ABCA7: variants seen among roughly 807,000 people sequenced by gnomAD.
ABCA7 encodes ATP binding cassette subfamily A member 7.
A neutral mutation model predicts 227.6 loss-of-function variants in ABCA7; 261 were observed. That is an observed-to-expected ratio of 1.15 (90% CI 1.04 to 1.27). The LOEUF (loss-of-function observed/expected upper bound fraction) is 1.27, where lower values mean the gene tolerates loss of function less well. Among genes scored for constraint, ABCA7 ranks in the 50% most tolerant of loss-of-function variants. ABCA7 has a pLI of 0.00. For synonymous variants in ABCA7, 1,488 were observed against 1,279.7 expected, an observed-to-expected ratio of 1.16 and a Z score of -3.47; for missense variants, 3,331 against 2,924.5, an observed-to-expected ratio of 1.14 and a Z score of -3.21.
intron 10 of ABCA7, 86 bp downstream of exon 10, chr19:1,043,927 C>G (rs1016412173): frequency 2.3e-4 from 243 of 1,072,042 alleles, no homozygotes; most frequent in Non-Finnish European, 3.2e-4. Flanking sequence ...GGGCTCCGTG[C>G]AGACCCCCAC....
rs747889722 is a variant in ABCA7 at position 1,045,215 on chromosome 19, A to G, written c.1429A>G (p.Asn477Asp). Reference protein sequence around the residue: ...RMDIDVVTRTNKIRDRFWDPG... With the variant: ...RMDIDVVTRTDKIRDRFWDPG... The stretch of plus-strand genomic sequence containing the variant: ...GGACATTGACGTGGTCACGAGGACC[A>G]ATAAGATCAGGGACAGGTCAGGCGA... The change falls in exon 12 of 47, where the codon AAT becomes GAT. Residue 477 changes from asparagine to aspartate, a missense_variant. Transcript: ENST00000263094. 6.2e-7 allele frequency: 1 copy of G among 1,612,188 alleles called. No homozygotes were observed. Among genetic ancestry groups the G allele is most frequent in the Admixed American group, 1.7e-5 (1 of 60,016 alleles).
At chr19:1,060,767 A>G (rs1380838401) in intron 40 of ABCA7, among the ~76,000 whole-genome samples, 2 of 151,828 alleles carry the variant, frequency 1.3e-5, no homozygotes, top group Non-Finnish European at 2.9e-5. Flanking sequence ...TGATCTGCCC[A>G]CCTCGGCTTC....
At chr19:1,052,153 T>TGACCCCC in intron 22 of ABCA7, 27 bp downstream of exon 22, 1 of 1,610,178 alleles carries the variant, frequency 6.2e-7, no homozygotes, top group Non-Finnish European at 8.5e-7. Flanking sequence ...TCCTGACCCC[T>TGACCCCC]GACCCCCGGG....
In ABCA7 at chr19:1,051,259, T is replaced by C; in HGVS notation, c.2789T>C (p.Val930Ala). 1 of 1,607,948 alleles carries C rather than the reference T, an allele frequency of 6.2e-7. No individual in the cohort carries two copies. The highest frequency in any genetic ancestry group is 8.5e-7 in the Non-Finnish European group (1 of 1,178,250). The change falls in exon 20 of 47, where the codon GTC (valine) becomes GCC (alanine). Residue 930 changes from valine (V) to alanine (A), a missense_variant. Val to Ala is a moderately conservative substitution (Grantham distance 64). Transcript: ENST00000263094. ...QDRLLQDVGL[V>A]SKQSVQTRHL... is the part of the protein sequence containing the mutation. The stretch of plus-strand genomic sequence containing the variant: ...CGTCTGCTGCAGGATGTGGGGCTGG[T>C]CTCCAAGCAGAGTGTGCAGACTCGC...
rs1458492143 is a variant in ABCA7, at chr19:1,052,046, C to T, written c.3067C>T (p.Leu1023Phe). ...CCGCTTGTGCTGCTGTGGCTCCCCA[C>T]TCTTCCTGCGCCGTCACCTGGGCTC... ...GGRLCCCGSPLFLRRHLGSGY... is the reference protein window; with the variant it reads ...GGRLCCCGSPFFLRRHLGSGY... The change falls in exon 22 of 47, where the codon CTC becomes TTC. Residue 1023 changes from leucine (L) to phenylalanine (F), a missense_variant. Transcript: ENST00000263094. 2 of 1,612,208 alleles carry T rather than the reference C, an allele frequency of 1.2e-6. No homozygotes were observed. Among genetic ancestry groups the T allele is most frequent in the South Asian group, 1.1e-5 (1 of 91,084 alleles).
Position 1,056,294 on chromosome 19 carries a change from C to T in ABCA7, c.4417-36C>T. The T allele has an allele frequency of 1.2e-6, 2 of 1,605,746 alleles. No homozygotes were observed. The highest frequency in any genetic ancestry group is 1.7e-6 in the Non-Finnish European group (2 of 1,175,568). ...GTCCTGTCACAGCAAGGTCCAACCCCATTGCTCTGACCCTATGACCTTGAC... is the reference window on the plus strand; with the variant it reads ...GTCCTGTCACAGCAAGGTCCAACCCTATTGCTCTGACCCTATGACCTTGAC... On this transcript the variant is annotated intron_variant, in intron 32 of 46. Coordinates refer to ENST00000263094, the MANE Select transcript of ABCA7 (RefSeq NM_019112.4). This position sits in a 1 kb window ranked among gnomAD's most constrained non-coding sequence, Gnocchi z 4.3.
At position 1,065,422 on chromosome 19, in the gene ABCA7, C is replaced by G; in HGVS notation, c.6438C>G (p.Leu2146=). ...LDDPSTAETV[L] ...ACCCTAGCACTGCCGAGACTGTGCT[C>G]TGAGCCTCCCTCCCCTGCGGGGCCG... The change falls in exon 47 of 47, where the codon CTC becomes CTG. Residue 2146 remains leucine (L), a synonymous_variant. Coordinates refer to ENST00000263094, the MANE Select transcript of ABCA7 (RefSeq NM_019112.4). 6.2e-7 allele frequency: 1 copy of G among 1,613,130 alleles called. No individual in the cohort carries two copies. The highest frequency in any genetic ancestry group is 8.5e-7 in the Non-Finnish European group (1 of 1,179,812).
rs759405785 is a variant in ABCA7, at chr19:1,065,477, GGTAGA to G, written c.*55_*59del. Reference sequence around the variant, plus strand: ...GAGGCCCTGGGAATGGCAAGGGCAAGGTAGAGTGCCTAGGAGCCCTGGACTCAGGC... The same window carrying G: ...GAGGCCCTGGGAATGGCAAGGGCAAGGTGCCTAGGAGCCCTGGACTCAGGC... On this transcript the variant is annotated 3_prime_UTR_variant, in exon 47 of 47. Transcript: ENST00000263094. 10 of 1,598,886 alleles carry G rather than the reference GGTAGA, an allele frequency of 6.3e-6. No homozygotes were observed. The East Asian group carries it at 2.2e-4, about 36-fold the overall frequency.
intron 44 of ABCA7, 89 bp from the exon 45 acceptor site, chr19:1,064,072 G>T: frequency 7.1e-7 from 1 of 1,414,582 alleles, no homozygotes; most frequent in South Asian, 1.4e-5. Flanking sequence ...CACACCAGAA[G>T]GGTGGCCCAG....
At chr19:1,055,464 C>G in intron 30 of ABCA7, 113 bp downstream of exon 30, 1 of 1,188,382 alleles carries the variant, frequency 8.4e-7, no homozygotes, top group Non-Finnish European at 1.1e-6. Flanking sequence ...CAGCTTGGGG[C>G]TACGGGCTGG....
intron 12 of ABCA7, 86 bp from the exon 13 acceptor site, chr19:1,046,144 C>G: frequency 6.8e-7 from 1 of 1,462,538 alleles, no homozygotes; most frequent in Non-Finnish European, 9.3e-7. Context: ...CAGAGCAAGA[C>G]CCTGTCTAAG....
intron 45 of ABCA7, chr19:1,064,689 TG>T: frequency 1.6e-6 from 1 of 616,920 alleles, no homozygotes. Flanking sequence ...GAGAGCAACC[TG>T]GGCAACCTAG....
In ABCA7 at chr19:1,044,699, C is replaced by T. The variant is rs1454467303; in HGVS notation, c.1170C>T (p.His390=). Residue 390 remains histidine (H), a synonymous_variant, in exon 11 of 47, where the codon CAC becomes CAT. Transcript: ENST00000263094. ...GSGGYSWQDA[H]ADVGHLVGTL... is the part of the protein sequence containing the mutation. ...GTGGCTACAGCTGGCAGGACGCACACGCTGATGTGGGGCACCTGGTGGGCA... is the reference window on the plus strand; with the variant it reads ...GTGGCTACAGCTGGCAGGACGCACATGCTGATGTGGGGCACCTGGTGGGCA... The T allele has an allele frequency of 2.5e-6, 4 of 1,612,466 alleles. No individual in the cohort carries two copies. The highest frequency in any genetic ancestry group is 2.7e-5 in the African/African-American group (2 of 75,038).
At chr19:1,042,941 A>C in intron 7 of ABCA7, 100 bp from the exon 8 acceptor site, 1 of 1,510,392 alleles carries the variant, frequency 6.6e-7, no homozygotes, top group Non-Finnish European at 8.9e-7. Flanking sequence ...CAGGAGGATT[A>C]GACAGCGAGA....
In ABCA7 at chr19:1,059,070, G is replaced by C; in HGVS notation, c.5448G>C (p.Gly1816=). The C allele has an allele frequency of 6.2e-7, 1 of 1,613,404 alleles. No individual in the cohort carries two copies. The highest frequency in any genetic ancestry group is 8.5e-7 in the Non-Finnish European group (1 of 1,179,916). Residue 1816 remains glycine, a synonymous_variant, in exon 40 of 47, where the codon GGG becomes GGC. Coordinates refer to ENST00000263094, the MANE Select transcript of ABCA7 (RefSeq NM_019112.4). ...RMPAVDRLCL[G]IPPGECFGLL... Reference sequence around the variant, plus strand: ...CAGCTGTTGACCGCTTGTGCCTGGGGATTCCCCCTGGTGAGGTGAGTCCAG... The same window carrying C: ...CAGCTGTTGACCGCTTGTGCCTGGGCATTCCCCCTGGTGAGGTGAGTCCAG...
chr19:1,041,583 C>T lies in ABCA7; in HGVS notation c.140C>T (p.Pro47Leu), dbSNP rs753324760. ...FILVAVRHSHPPLEHHECHFP... is the reference protein window; with the variant it reads ...FILVAVRHSHLPLEHHECHFP... ...CTGGTGGCTGTTCGCCACTCCCACC[C>T]GCCCCTGGAGCACCATGAATGTGAG... The change falls in exon 3 of 47, where the codon CCG (proline) becomes CTG (leucine). Residue 47 changes from proline (P) to leucine (L), a missense_variant. Pro to Leu is a moderately conservative substitution (Grantham distance 98). Coordinates refer to ENST00000263094, the MANE Select transcript of ABCA7 (RefSeq NM_019112.4). The T allele has an allele frequency of 1.2e-6, 2 of 1,612,618 alleles. No homozygotes were observed. Among genetic ancestry groups the T allele is most frequent in the East Asian group, 2.2e-5 (1 of 44,880 alleles).
chr19:1,041,058 A>C, intron 1 of ABCA7, 167 bp from the exon 2 acceptor site: 1 of 471,256 alleles, frequency 2.1e-6, no homozygotes, highest in Non-Finnish European at 3.9e-6. Context: ...CTGGAGGATT[A>C]GAGGATGATC....
At chr19:1,060,856 G>A (rs2042608623) in intron 40 of ABCA7, among the ~76,000 whole-genome samples, 1 of 152,034 alleles carries the variant, frequency 6.6e-6, no homozygotes, top group African/African-American at 2.4e-5. Context: ...CTGTGTGCTG[G>A]CCAACCTCTC....
chr19:1,058,163 C>A lies in ABCA7; in HGVS notation c.5043C>A (p.Ser1681Arg). The part of the protein sequence containing the change: ...LFSDQKLQEV[S>R]RILKQVFLIF... The stretch of plus-strand genomic sequence containing the variant: ...TTGAGCAGAAGCTGCAGGAGGTGAG[C>A]CGGATCTTGAAACAGGTCTTCCTTA... The change falls in exon 37 of 47, where the codon AGC becomes AGA. Residue 1681 changes from serine to arginine, a missense_variant. Transcript: ENST00000263094. The A allele has an allele frequency of 1.2e-6, 2 of 1,613,870 alleles. No individual in the cohort carries two copies. Among genetic ancestry groups the A allele is most frequent in the Non-Finnish European group, 1.7e-6 (2 of 1,179,982 alleles).
Sources: allele counts gnomAD v4.1 joint callset (sites outside exome capture counted in the v4.1 genomes callset), GRCh38; gene constraint gnomAD v4.1.1; non-coding constraint Gnocchi (gnomAD v3.1); transcripts MANE v1.5; gene names NCBI Gene and HGNC (gene_info 2026-07-23, HGNC 2026-07-21).